DSCAM: variants seen among roughly 807,000 people sequenced by gnomAD.
DSCAM encodes DS cell adhesion molecule, also known as cell adhesion molecule DSCAM.
Under a neutral mutation model 217.7 loss-of-function variants are expected in DSCAM, and 47 were observed. The ratio of observed to expected loss-of-function variants is 0.22; its 90% CI spans 0.17 to 0.28. DSCAM has a LOEUF of 0.28. DSCAM is among the 10% of genes least tolerant of loss of function. The pLI is 1.00. For synonymous variants in DSCAM, 1,056 were observed against 1,015.3 expected (o/e 1.04, Z -0.76); for missense variants, 2,080 against 2,618.3 (o/e 0.79, Z 4.49).
chr21:40,679,754 A>G (rs1223077728), intron 3 of DSCAM, among the ~76,000 whole-genome samples: 2 of 152,208 alleles, frequency 1.3e-5, no homozygotes, highest in Non-Finnish European at 2.9e-5. Flanking sequence ...ATAAGTAAAG[A>G]GTTGTTTATT....
intron 1 of DSCAM, among the ~76,000 whole-genome samples, chr21:40,810,004 G>A (rs1248721245): frequency 2.6e-5 from 4 of 152,294 alleles, no homozygotes; most frequent in Middle Eastern, 3.4e-3. Context: ...TGGCAGTGTC[G>A]CTCCAGAAGG....
At chr21:40,533,704 T>A (rs944738806) in intron 3 of DSCAM, among the ~76,000 whole-genome samples, 3 of 150,582 alleles carry the variant, frequency 2.0e-5, no homozygotes, top group Non-Finnish European at 4.4e-5. Context: ...CATTCATCCA[T>A]CCATCCATCC....
intron 3 of DSCAM, among the ~76,000 whole-genome samples, chr21:40,594,538 A>T (rs1373927587): frequency 6.6e-6 from 1 of 152,212 alleles, no homozygotes; most frequent in East Asian, 1.9e-4. Flanking sequence ...ATAAAATAAC[A>T]GCTGTCAGGC....
intron 3 of DSCAM, among the ~76,000 whole-genome samples, chr21:40,516,658 C>G (rs378360): frequency 6.6e-6 from 1 of 152,072 alleles, no homozygotes; most frequent in African/African-American, 2.4e-5. Flanking sequence ...CTTCCCGGTT[C>G]TGTCAAAATG....
intron 1 of DSCAM, among the ~76,000 whole-genome samples, chr21:40,820,529 T>A (rs906680706): frequency 6.6e-6 from 1 of 152,114 alleles, no homozygotes; most frequent in Non-Finnish European, 1.5e-5. Flanking sequence ...ACAACCTAGA[T>A]GACAGGTTGA....
chr21:40,370,345 T>C (rs1047653687), intron 3 of DSCAM, among the ~76,000 whole-genome samples: 1 of 152,132 alleles, frequency 6.6e-6, no homozygotes, highest in Admixed American at 6.5e-5. Flanking sequence ...TAGACTCTTC[T>C]ATGGGCTATT....
At chr21:40,811,218 G>C (rs2091835348) in intron 1 of DSCAM, among the ~76,000 whole-genome samples, 1 of 152,178 alleles carries the variant, frequency 6.6e-6, no homozygotes, top group African/African-American at 2.4e-5. Context: ...CAAGGAGCAA[G>C]AAACAGAGCC....
intron 18 of DSCAM, among the ~76,000 whole-genome samples, chr21:40,136,973 G>C (rs948040317): frequency 3.9e-5 from 6 of 151,966 alleles, no homozygotes; most frequent in African/African-American, 1.5e-4. Flanking sequence ...AAGACATCGA[G>C]ACCATCCTGG....
chr21:40,179,181 A>AC, intron 14 of DSCAM, 87 bp from the exon 15 acceptor site: 1 of 766,606 alleles, frequency 1.3e-6, no homozygotes, highest in South Asian at 2.2e-5. Flanking sequence ...AGGAATTAAA[A>AC]ACCAAAAAAA....
intron 32 of DSCAM, among the ~76,000 whole-genome samples, chr21:40,014,639 A>T (rs1309848991): frequency 3.3e-5 from 5 of 152,102 alleles, no homozygotes; most frequent in African/African-American, 4.8e-5. Context: ...CGTGCCTCCA[A>T]CCAATCCCTC....
At chr21:40,492,632 A>C (rs1314866469) in intron 3 of DSCAM, among the ~76,000 whole-genome samples, 2 of 152,116 alleles carry the variant, frequency 1.3e-5, no homozygotes, top group African/African-American at 4.8e-5. Flanking sequence ...AGACCTGATA[A>C]GGCAGAAGAA....
intron 1 of DSCAM, among the ~76,000 whole-genome samples, chr21:40,845,939 C>T (rs1221190409): frequency 6.6e-6 from 1 of 151,594 alleles, no homozygotes; most frequent in Admixed American, 6.6e-5. Flanking sequence ...ATTGGCTGGG[C>T]ATGAGGAAAT....
chr21:40,772,002 C>T (rs889601042), intron 1 of DSCAM, among the ~76,000 whole-genome samples: 3 of 152,116 alleles, frequency 2.0e-5, no homozygotes, highest in Non-Finnish European at 4.4e-5. Context: ...GGCCATGAAA[C>T]ATATTCACTT....
chr21:40,046,781 T>TG (rs1277981203), intron 30 of DSCAM, among the ~76,000 whole-genome samples: 2 of 150,866 alleles, frequency 1.3e-5, no homozygotes, highest in Non-Finnish European at 2.9e-5. Context: ...GGGGGGTGGT[T>TG]GGGGGGTATA....
chr21:40,494,933 C>T (rs776954482), intron 3 of DSCAM, among the ~76,000 whole-genome samples: 4 of 148,114 alleles, frequency 2.7e-5, no homozygotes, highest in South Asian at 2.1e-4. Context: ...AACAGAAATA[C>T]GAAGGATTAT....
intron 3 of DSCAM, among the ~76,000 whole-genome samples, chr21:40,533,551 AT>A (rs2076467875): frequency 8.2e-6 from 1 of 121,348 alleles, no homozygotes; most frequent in African/African-American, 2.9e-5. Flanking sequence ...CCATTCATCC[AT>A]CCATTCATCC....
At chr21:40,316,364 T>C (rs1357951260) in intron 8 of DSCAM, among the ~76,000 whole-genome samples, 1 of 152,220 alleles carries the variant, frequency 6.6e-6, no homozygotes, top group Non-Finnish European at 1.5e-5. Context: ...TTGCCTTGCT[T>C]GCATCAGCTG....
chr21:40,260,761 T>C (rs1391929265), intron 11 of DSCAM, among the ~76,000 whole-genome samples: 1 of 152,242 alleles, frequency 6.6e-6, no homozygotes, highest in African/African-American at 2.4e-5. Flanking sequence ...ATGAAAGCAC[T>C]TATGTGTAGC....
At chr21:40,437,675 A>G (rs1169506594) in intron 3 of DSCAM, among the ~76,000 whole-genome samples, 1 of 151,864 alleles carries the variant, frequency 6.6e-6, no homozygotes, top group Non-Finnish European at 1.5e-5. Context: ...ACATGGTGAG[A>G]CCCCGTCACT....
Sources: gnomAD v4.1 joint callset for allele counts (sites outside exome capture counted in the v4.1 genomes callset) on GRCh38, gnomAD v4.1.1 for gene constraint, MANE v1.5 for transcripts, NCBI Gene and HGNC (gene_info 2026-07-23, HGNC 2026-07-21) for gene names.